GALNT13: variants seen among roughly 807,000 people sequenced by gnomAD.
GALNT13 encodes polypeptide N-acetylgalactosaminyltransferase 13, also known as UDP-GalNAc:polypeptide N-acetylgalactosaminyltransferase 13.
A neutral mutation model predicts 64.2 loss-of-function variants in GALNT13; 28 were observed. The ratio of observed to expected loss-of-function variants is 0.44; its 90% CI spans 0.32 to 0.60. The LOEUF (loss-of-function observed/expected upper bound fraction) is 0.60, where lower values mean the gene tolerates loss of function less well. Ranked by LOEUF, GALNT13 falls within the 20% of genes least tolerant of loss-of-function variation. The pLI is 0.05. For synonymous variants in GALNT13, 214 were observed against 224.6 expected (o/e 0.95, Z 0.42); for missense variants, 577 against 669.8 (o/e 0.86, Z 1.53).
At chr2:153,632,555 A>C in the GALNT13 span, among the ~76,000 whole-genome samples, 1 of 152,098 alleles carries the variant, frequency 6.6e-6, no homozygotes, top group East Asian at 1.9e-4. Flanking sequence ...CCTGGAAACC[A>C]CTGATTCTTG....
the GALNT13 span, among the ~76,000 whole-genome samples, chr2:153,558,848 A>G: frequency 6.6e-6 from 1 of 152,228 alleles, no homozygotes; most frequent in Non-Finnish European, 1.5e-5. Flanking sequence ...GTTTCTTTCC[A>G]ACAGAAAAAT....
chr2:153,125,607 A>G, the GALNT13 span, among the ~76,000 whole-genome samples: 1 of 152,208 alleles, frequency 6.6e-6, no homozygotes, highest in Non-Finnish European at 1.5e-5. Flanking sequence ...TGTGGGAAGA[A>G]AATTGAATCA....
At chr2:153,380,818 A>T in the GALNT13 span, among the ~76,000 whole-genome samples, 1 of 152,158 alleles carries the variant, frequency 6.6e-6, no homozygotes, top group Admixed American at 6.6e-5. Context: ...TATATATTGT[A>T]TTTTAAGTTT....
the GALNT13 span, among the ~76,000 whole-genome samples, chr2:153,864,947 G>A: frequency 6.8e-6 from 1 of 146,250 alleles, no homozygotes; most frequent in Non-Finnish European, 1.5e-5. Context: ...GCATGGTACT[G>A]GTACCAAAAC....
At chr2:154,100,783 G>T (rs544265796) in intron 3 of GALNT13, among the ~76,000 whole-genome samples, 1 of 152,162 alleles carries the variant, frequency 6.6e-6, no homozygotes, top group East Asian at 1.9e-4. Flanking sequence ...TCTCTTTCCA[G>T]TTCGTAGGGG....
At chr2:153,154,867 C>T in the GALNT13 span, among the ~76,000 whole-genome samples, 10 of 152,050 alleles carry the variant, frequency 6.6e-5, no homozygotes, top group South Asian at 6.2e-4. Flanking sequence ...GTGGGTTTGT[C>T]GTATATGGCT....
the GALNT13 span, among the ~76,000 whole-genome samples, chr2:153,683,229 A>T: frequency 3.3e-5 from 5 of 151,660 alleles, no homozygotes; most frequent in Admixed American, 6.6e-5. Context: ...AAGTGATTTA[A>T]CTCTCATCCT....
chr2:153,793,140 T>G, the GALNT13 span, among the ~76,000 whole-genome samples: 3 of 151,620 alleles, frequency 2.0e-5, no homozygotes, highest in Non-Finnish European at 4.4e-5. Context: ...CCCAGCTAAT[T>G]ATTTTGTATT....
At chr2:153,647,845 A>G in the GALNT13 span, among the ~76,000 whole-genome samples, 2 of 152,190 alleles carry the variant, frequency 1.3e-5, no homozygotes, top group African/African-American at 2.4e-5. Flanking sequence ...TGGTACCAGT[A>G]CCATGCTGTT....
chr2:153,160,840 C>T, the GALNT13 span, among the ~76,000 whole-genome samples: 48 of 152,248 alleles, frequency 3.2e-4, no homozygotes, highest in African/African-American at 1.1e-3. Flanking sequence ...AGCCAAATTT[C>T]AAGTTATTAG....
intron 3 of GALNT13, among the ~76,000 whole-genome samples, chr2:154,025,133 G>A (rs899233483): frequency 2.0e-5 from 3 of 152,168 alleles, no homozygotes; most frequent in Admixed American, 6.5e-5. Context: ...TAGGCTACTC[G>A]GGGGTCATGG....
chr2:153,738,877 T>A, the GALNT13 span, among the ~76,000 whole-genome samples: 2 of 151,880 alleles, frequency 1.3e-5, no homozygotes, highest in Non-Finnish European at 3.0e-5. Context: ...TCAGTTTTTT[T>A]ATTATAAAAA....
the GALNT13 span, among the ~76,000 whole-genome samples, chr2:153,152,803 T>C: frequency 6.6e-6 from 1 of 152,328 alleles, no homozygotes; most frequent in South Asian, 2.1e-4. Context: ...TTATCCAGTC[T>C]ATCACTGATG....
At chr2:153,257,166 T>A in the GALNT13 span, among the ~76,000 whole-genome samples, 4 of 152,218 alleles carry the variant, frequency 2.6e-5, no homozygotes, top group East Asian at 7.7e-4. Flanking sequence ...GCGCCGTTTT[T>A]TAAGCCCGTC....
chr2:153,328,748 G>A, the GALNT13 span, among the ~76,000 whole-genome samples: 1 of 152,140 alleles, frequency 6.6e-6, no homozygotes, highest in South Asian at 2.1e-4. Flanking sequence ...GGGCTCCATA[G>A]GGGTGGGCTC....
chr2:153,290,310 A>G, the GALNT13 span, among the ~76,000 whole-genome samples: 1 of 152,184 alleles, frequency 6.6e-6, no homozygotes, highest in South Asian at 2.1e-4. Context: ...TACCAAAAGG[A>G]TCTTAGAGTA....
At chr2:153,312,672 C>T in the GALNT13 span, among the ~76,000 whole-genome samples, 1 of 152,118 alleles carries the variant, frequency 6.6e-6, no homozygotes, top group Non-Finnish European at 1.5e-5. Context: ...GCAAATCCAA[C>T]AAAAAGAAAT....
the GALNT13 span, among the ~76,000 whole-genome samples, chr2:153,637,509 A>G: frequency 9.2e-5 from 14 of 152,182 alleles, no homozygotes; most frequent in Non-Finnish European, 1.9e-4. Context: ...TGAGAATTCA[A>G]GCTTTCCTAA....
the GALNT13 span, among the ~76,000 whole-genome samples, chr2:153,359,994 G>A: frequency 4.6e-5 from 7 of 152,178 alleles, no homozygotes; most frequent in African/African-American, 9.6e-5. Context: ...GGACAATAGC[G>A]GTGGGGCCAA....
Sources: gnomAD v4.1 joint callset for allele counts (sites outside exome capture counted in the v4.1 genomes callset) on GRCh38, gnomAD v4.1.1 for gene constraint, MANE v1.5 for transcripts, NCBI Gene and HGNC (gene_info 2026-07-23, HGNC 2026-07-21) for gene names.